The following SPARCL1 variants were observed in gnomAD, a reference collection of about 807,000 sequenced individuals.
The protein encoded by SPARCL1 is SPARC-like protein 1.
In SPARCL1, 52 loss-of-function variants were observed where a neutral mutation model predicts 67.1. The observed-to-expected ratio is 0.78, with a 90% CI of 0.62 to 0.98. The LOEUF (loss-of-function observed/expected upper bound fraction) is 0.98, where lower values mean the gene tolerates loss of function less well. Among genes scored for constraint, SPARCL1 ranks in the 50% least tolerant of loss-of-function variants. The pLI is 0.00. For missense variants in SPARCL1, 717 were observed against 782.4 expected, an observed-to-expected ratio of 0.92 and a Z score of 1.00; for synonymous variants, 226 against 267.8, an observed-to-expected ratio of 0.84 and a Z score of 1.52.
intron 1 of SPARCL1, among the ~76,000 whole-genome samples, chr4:87,521,757 T>A (rs1725828118): frequency 6.6e-6 from 1 of 152,246 alleles, no homozygotes; most frequent in Non-Finnish European, 1.5e-5. Context: ...GTCTTGTTAC[T>A]TTCTTTTTCT....
At chr4:87,480,598 G>C in intron 8 of SPARCL1, 78 bp from the exon 9 acceptor site, 2 of 1,370,858 alleles carry the variant, frequency 1.5e-6, no homozygotes, top group South Asian at 2.9e-5. Context: ...AACTTTACTT[G>C]AAGAGTGACA....
At chr4:87,525,428 A>G (rs1359827934) in intron 1 of SPARCL1, among the ~76,000 whole-genome samples, 1 of 152,232 alleles carries the variant, frequency 6.6e-6, no homozygotes, top group Non-Finnish European at 1.5e-5. Context: ...AAGTCCAGGC[A>G]GTCTGCCCCA....
chr4:87,486,031 G>C (rs1263276440), intron 7 of SPARCL1, among the ~76,000 whole-genome samples: 1 of 151,866 alleles, frequency 6.6e-6, no homozygotes, highest in Non-Finnish European at 1.5e-5. Context: ...TAGGTTCATT[G>C]ATTTTTTGAA....
At chr4:87,498,258 G>A (rs1019934211) in intron 2 of SPARCL1, among the ~76,000 whole-genome samples, 3 of 152,142 alleles carry the variant, frequency 2.0e-5, no homozygotes, top group Non-Finnish European at 4.4e-5. Context: ...CTGATGGTGG[G>A]TATAAACTCT....
chr4:87,486,226 C>T (rs186585276), intron 7 of SPARCL1, among the ~76,000 whole-genome samples: 56 of 152,234 alleles, frequency 3.7e-4, no homozygotes, highest in Middle Eastern at 6.8e-3. Flanking sequence ...TCCCTCTAAA[C>T]AGTGTTTTAG....
chr4:87,516,859 C>A (rs4693829), intron 1 of SPARCL1, among the ~76,000 whole-genome samples: 43,630 of 152,070 alleles, frequency 0.29, 6,906 homozygotes, highest in East Asian at 0.59. Flanking sequence ...CTTTCACCAT[C>A]TCTTAATCAT....
chr4:87,481,053 A>T (rs973209216), intron 8 of SPARCL1, among the ~76,000 whole-genome samples: 1 of 152,124 alleles, frequency 6.6e-6, no homozygotes, highest in Admixed American at 6.5e-5. Context: ...GCTCTCTGTG[A>T]CAAGGTATTC....
At chr4:87,525,730 G>T (rs1726011280) in intron 1 of SPARCL1, among the ~76,000 whole-genome samples, 1 of 152,270 alleles carries the variant, frequency 6.6e-6, no homozygotes, top group East Asian at 1.9e-4. Context: ...GTAATAGGAA[G>T]GAAACAAGCC....
At chr4:87,511,763 C>T (rs915752646) in intron 1 of SPARCL1, among the ~76,000 whole-genome samples, 2 of 151,744 alleles carry the variant, frequency 1.3e-5, no homozygotes, top group East Asian at 3.9e-4. Flanking sequence ...GCTGTGGTGT[C>T]GGTGGATGCC....
Position 87,479,486 on chromosome 4 carries a change from T to C in SPARCL1, c.1910A>G (p.Asn637Ser). The C allele has an allele frequency of 6.2e-7, 1 of 1,614,114 alleles. No individual in the cohort carries two copies. Among genetic ancestry groups the C allele is most frequent in the Non-Finnish European group, 8.5e-7 (1 of 1,179,998 alleles). ...ITRFFEECDP[N>S]KDKHITLKEW... Reference sequence around the variant, plus strand: ...CTTCAGGGTGATGTGCTTATCCTTGTTGGGGTCACACTCCTCAAAGAAACG... The same window carrying C: ...CTTCAGGGTGATGTGCTTATCCTTGCTGGGGTCACACTCCTCAAAGAAACG... The change falls in exon 10 of 11, where the codon AAC becomes AGC. Residue 637 changes from asparagine to serine, a missense_variant. Transcript: ENST00000282470.
rs763626177 is a variant in SPARCL1, at chr4:87,482,515, C to T, written c.1577G>A (p.Arg526Gln). 12 of 1,613,964 alleles carry T rather than the reference C, an allele frequency of 7.4e-6. No homozygotes were observed. The highest frequency in any genetic ancestry group is 3.3e-5 in the Admixed American group (2 of 60,012). ...GATATTCTTGAGCCAGTCTCTCATCCGTAGAGGAAACTGAATCACTTCAAA... is the reference window on the plus strand; with the variant it reads ...GATATTCTTGAGCCAGTCTCTCATCTGTAGAGGAAACTGAATCACTTCAAA... ...TDFEVIQFPL[R>Q]MRDWLKNILM... is the part of the protein sequence containing the mutation. The change falls in exon 8 of 11, where the codon CGG (arginine) becomes CAG (glutamine). Residue 526 changes from arginine to glutamine, a missense_variant. Transcript: ENST00000282470.
In SPARCL1 at chr4:87,490,742, A is replaced by G. The variant is rs1209891352; in HGVS notation, c.1410+18T>C. On this transcript the variant is annotated intron_variant, in intron 6 of 10. Coordinates refer to ENST00000282470, the MANE Select transcript of SPARCL1 (RefSeq NM_004684.6). ...AACCTTTTGGAGCCACTTAAAGACTATTTTGCAGAATACTTACTTGATCAA... is the reference window on the plus strand; with the variant it reads ...AACCTTTTGGAGCCACTTAAAGACTGTTTTGCAGAATACTTACTTGATCAA... 1 of 1,481,154 alleles carries G rather than the reference A, an allele frequency of 6.8e-7. No homozygotes were observed. The highest frequency in any genetic ancestry group is 1.2e-5 in the South Asian group (1 of 82,414). 91.8% of individuals were successfully genotyped at this position (1,481,154 alleles called of 1,614,324 possible).
Position 87,499,587 on chromosome 4 carries a change from T to G in SPARCL1, c.-11-2A>C. The stretch of plus-strand genomic sequence containing the variant: ...GCCCAGTCTTCATGCTTTCCAGATC[T>G]GTGAACCAAGAAGATAATTATCAGT... On this transcript the variant is annotated splice_acceptor_variant, in intron 1 of 10. Coordinates refer to ENST00000282470, the MANE Select transcript of SPARCL1 (RefSeq NM_004684.6). LOFTEE classifies it low-confidence loss of function (5UTR_SPLICE). The G allele has an allele frequency of 6.3e-7, 1 of 1,583,556 alleles. No individual in the cohort carries two copies. The highest frequency in any genetic ancestry group is 8.5e-7 in the Non-Finnish European group (1 of 1,171,380).
intron 4 of SPARCL1, among the ~76,000 whole-genome samples, chr4:87,492,720 A>C (rs1724400986): frequency 6.6e-6 from 1 of 152,202 alleles, no homozygotes; most frequent in East Asian, 1.9e-4. Context: ...GAGTGGCAGC[A>C]GAGTTCTCAG....
intron 1 of SPARCL1, among the ~76,000 whole-genome samples, chr4:87,505,114 A>G (rs901847784): frequency 6.6e-6 from 1 of 152,160 alleles, no homozygotes; most frequent in Non-Finnish European, 1.5e-5. Flanking sequence ...CTGCCAGGAG[A>G]CCTTGGGAAA....
At chr4:87,526,754 T>G (rs1308972831) in intron 1 of SPARCL1, among the ~76,000 whole-genome samples, 1 of 152,208 alleles carries the variant, frequency 6.6e-6, no homozygotes, top group Non-Finnish European at 1.5e-5. Context: ...AGAAAATATC[T>G]AGAGTCAGTT....
intron 1 of SPARCL1, among the ~76,000 whole-genome samples, chr4:87,504,185 T>TGTGGGGGGGGGGGGG (rs1553970328): frequency 5.2e-5 from 1 of 19,052 alleles, no homozygotes; most frequent in Non-Finnish European, 8.6e-5. Context: ...GTGTGTGTGG[T>TGTGGGGGGGGGGGGG]GGGGTGGGGG....
chr4:87,527,733 T>G (rs1726106091), intron 1 of SPARCL1, among the ~76,000 whole-genome samples: 1 of 152,190 alleles, frequency 6.6e-6, no homozygotes, highest in Non-Finnish European at 1.5e-5. Context: ...CATGTGAATA[T>G]TCTTCTCCAA....
chr4:87,495,900 C>T (rs934682903), intron 2 of SPARCL1, among the ~76,000 whole-genome samples: 4 of 152,148 alleles, frequency 2.6e-5, no homozygotes, highest in African/African-American at 9.7e-5. Flanking sequence ...CATTGCACTC[C>T]AGCCTGGTCA....
Sources: allele counts gnomAD v4.1 joint callset (sites outside exome capture counted in the v4.1 genomes callset), GRCh38; gene constraint gnomAD v4.1.1; transcripts MANE v1.5; gene names NCBI Gene and HGNC (gene_info 2026-07-23, HGNC 2026-07-21).